The following SLC12A2 variants were observed in gnomAD, a reference collection of about 807,000 sequenced individuals.
SLC12A2 encodes the protein Na-K-2Cl cotransporter 1.
A neutral mutation model predicts 136.3 loss-of-function variants in SLC12A2; 67 were observed. That is an observed-to-expected ratio of 0.49 (90% CI 0.40 to 0.60). The LOEUF (loss-of-function observed/expected upper bound fraction) is 0.60. Ranked by LOEUF, SLC12A2 falls within the 20% of genes least tolerant of loss-of-function variation. The pLI, the probability that SLC12A2 is intolerant of heterozygous loss-of-function variation, is 0.00. For synonymous variants in SLC12A2, 619 were observed against 562.9 expected, an observed-to-expected ratio of 1.10 and a Z score of -1.41; for missense variants, 1,322 against 1,534.7, an observed-to-expected ratio of 0.86 and a Z score of 2.32.
In SLC12A2 at chr5:128,084,654, C is replaced by T. The variant is rs1286345821; in HGVS notation, c.700C>T (p.Leu234=). Residue 234 remains leucine, a synonymous_variant, in exon 1 of 27, where the codon CTG becomes TTG. Coordinates refer to ENST00000262461, the MANE Select transcript of SLC12A2 (RefSeq NM_001046.3). The surrounding 1 kb of genome is among the most constrained non-coding windows in gnomAD (Gnocchi z 5.6). The part of the protein sequence containing the change: ...IDHYRHTAAQ[L]GEKLLRPSLA... ...TCACTACCGGCACACAGCCGCGCAG[C>T]TGGGCGAGAAGCTGCTCCGGCCTAG... The T allele has an allele frequency of 1.2e-6, 2 of 1,612,716 alleles. No individual in the cohort carries two copies. Among genetic ancestry groups the T allele is most frequent in the Non-Finnish European group, 8.5e-7 (1 of 1,179,630 alleles).
chr5:128,138,702 C>T lies in SLC12A2; in HGVS notation c.1514C>T (p.Ala505Val). The T allele has an allele frequency of 6.2e-7, 1 of 1,613,532 alleles. No homozygotes were observed. Among genetic ancestry groups the T allele is most frequent in the East Asian group, 2.2e-5 (1 of 44,816 alleles). Residue 505 changes from alanine (A) to valine (V), a missense_variant, in exon 8 of 27, where the codon GCA becomes GTA. Physicochemically the swap from Ala to Val is moderately conservative, Grantham distance 64. This residue lies in a region of SLC12A2 where 294 missense variants were observed against 436.6 expected (regional missense o/e 0.67). Coordinates refer to ENST00000262461, the MANE Select transcript of SLC12A2 (RefSeq NM_001046.3). Reference protein sequence around the residue: ...FPAATGILAGANISGDLADPQ... With the variant: ...FPAATGILAGVNISGDLADPQ... ...GCTGCAACTGGTATTCTGGCTGGAG[C>T]AAATATCTCAGGTGATCTTGCAGTA...
At chr5:128,128,260 A>G (rs2126692987) in intron 4 of SLC12A2, among the ~76,000 whole-genome samples, 1 of 152,230 alleles carries the variant, frequency 6.6e-6, no homozygotes, top group African/African-American at 2.4e-5. Context: ...TAGGGTTTTG[A>G]TTACTGATTG....
At chr5:128,163,457 A>C (rs966610145) in intron 17 of SLC12A2, among the ~76,000 whole-genome samples, 1 of 152,260 alleles carries the variant, frequency 6.6e-6, no homozygotes, top group South Asian at 2.1e-4. Flanking sequence ...TGAACCCCTG[A>C]GGCAGAGGTT....
intron 1 of SLC12A2, among the ~76,000 whole-genome samples, chr5:128,104,986 A>G (rs1007239165): frequency 2.5e-4 from 38 of 151,772 alleles, no homozygotes; most frequent in African/African-American, 8.8e-4. Flanking sequence ...ATCTAAAATA[A>G]TTTACCTTGA....
At chr5:128,102,982 T>C (rs1440577704) in intron 1 of SLC12A2, among the ~76,000 whole-genome samples, 3 of 152,312 alleles carry the variant, frequency 2.0e-5, no homozygotes, top group African/African-American at 7.2e-5. Context: ...ACAGTTTCTT[T>C]ATTCTGCAGT....
rs1414701919 is a variant in SLC12A2 at position 128,188,318 on chromosome 5, C to T, written c.*1687C>T. The T allele has an allele frequency of 1.5e-3, 156 of 103,392 alleles. No individual in the cohort carries two copies. Among genetic ancestry groups the T allele is most frequent in the African/African-American group, 5.7e-3 (142 of 24,716 alleles). 6.4% of individuals were successfully genotyped at this position (103,392 alleles called of 1,614,324 possible). A position where few individuals can be genotyped will look rare whatever the true frequency, so the allele number is the denominator to read the frequency against. ...TTTTTTTTTTTTTTTTTTTTTGAGACGGAGTCTTGCTCTGTTGCCACGCTG... is the reference window on the plus strand; with the variant it reads ...TTTTTTTTTTTTTTTTTTTTTGAGATGGAGTCTTGCTCTGTTGCCACGCTG... On this transcript the variant is annotated 3_prime_UTR_variant, in exon 27 of 27. Transcript: ENST00000262461.
At chr5:128,091,067 A>G (rs1047148593) in intron 1 of SLC12A2, among the ~76,000 whole-genome samples, 6 of 152,156 alleles carry the variant, frequency 3.9e-5, no homozygotes, top group Non-Finnish European at 8.8e-5. Context: ...GAAACCAGTT[A>G]GAAGCCTACT....
intron 16 of SLC12A2, among the ~76,000 whole-genome samples, chr5:128,160,018 G>C (rs1279341151): frequency 1.3e-5 from 2 of 152,176 alleles, no homozygotes; most frequent in Non-Finnish European, 2.9e-5. Flanking sequence ...ACTGGATAAG[G>C]AAAATGTGGT....
rs551073278 is a variant in SLC12A2 at position 128,151,786 on chromosome 5, T to C, written c.2263+390T>C. Reference sequence around the variant, plus strand: ...CCTAATAAGCTAGGCTATTTATACATATAACCTACTGTGGTCCTTGAACTG... The same window carrying C: ...CCTAATAAGCTAGGCTATTTATACACATAACCTACTGTGGTCCTTGAACTG... On this transcript the variant is annotated intron_variant, in intron 14 of 26. Coordinates refer to ENST00000262461, the MANE Select transcript of SLC12A2 (RefSeq NM_001046.3). Among the ~76,000 whole-genome samples, 12 of 152,286 alleles carry C rather than the reference T, an allele frequency of 7.9e-5. No homozygotes were observed. The South Asian group carries it at 2.5e-3, about 32-fold the overall frequency.
chr5:128,183,789 T>C (rs779206478), intron 24 of SLC12A2, among the ~76,000 whole-genome samples: 6 of 152,070 alleles, frequency 3.9e-5, no homozygotes, highest in Non-Finnish European at 7.4e-5. Flanking sequence ...ATTTGACTTA[T>C]TGCTCAAAGG....
intron 6 of SLC12A2, among the ~76,000 whole-genome samples, chr5:128,134,630 A>C (rs1762128834): frequency 6.6e-6 from 1 of 152,114 alleles, no homozygotes; most frequent in African/African-American, 2.4e-5. Context: ...ATGGGGCAGT[A>C]AATAAAAGTT....
Position 128,171,688 on chromosome 5 carries a change from T to C in SLC12A2, c.2745T>C (p.Tyr915=). Residue 915 remains tyrosine, a synonymous_variant, in exon 19 of 27, where the codon TAT becomes TAC. Coordinates refer to ENST00000262461, the MANE Select transcript of SLC12A2 (RefSeq NM_001046.3). ...TTAGTGATGCTTTTGACATACAATA[T>C]GGAGTAGTGGTTATTCGCCTAAAAG... ...NLFHDAFDIQ[Y]GVVVIRLKEG... 2 of 1,584,438 alleles carry C rather than the reference T, an allele frequency of 1.3e-6. No homozygotes were observed. The highest frequency in any genetic ancestry group is 1.7e-4 in the Middle Eastern group (1 of 5,956).
chr5:128,158,322 T>G (rs769553033), intron 16 of SLC12A2, among the ~76,000 whole-genome samples, 158 bp downstream of exon 16: 1 of 152,152 alleles, frequency 6.6e-6, no homozygotes, highest in Non-Finnish European at 1.5e-5. Context: ...TAGTACCCAA[T>G]AGGTAGTTTT....
At chr5:128,156,362 T>TA (rs1057163673) in intron 15 of SLC12A2, among the ~76,000 whole-genome samples, 5 of 152,122 alleles carry the variant, frequency 3.3e-5, no homozygotes, top group African/African-American at 4.8e-5. Flanking sequence ...TTTGTGCCTT[T>TA]AAAAAAAATC....
At chr5:128,124,975 A>G (rs1224169829) in intron 4 of SLC12A2, among the ~76,000 whole-genome samples, 2 of 152,216 alleles carry the variant, frequency 1.3e-5, no homozygotes, top group Admixed American at 1.3e-4. Flanking sequence ...CCTGATCAGT[A>G]AATTCCAAGG....
chr5:128,131,473 C>T (rs1762020737), intron 5 of SLC12A2, among the ~76,000 whole-genome samples: 1 of 150,408 alleles, frequency 6.6e-6, no homozygotes, highest in Non-Finnish European at 1.5e-5. Flanking sequence ...GCGAGCGGAT[C>T]ACGAGGTCAG....
intron 15 of SLC12A2, among the ~76,000 whole-genome samples, chr5:128,157,256 C>G (rs1224695628): frequency 2.0e-5 from 3 of 152,050 alleles, no homozygotes; most frequent in Non-Finnish European, 4.4e-5. Context: ...CAAATGGAGA[C>G]CTGTATATTT....
chr5:128,097,050 T>C (rs759518518), intron 1 of SLC12A2, among the ~76,000 whole-genome samples: 2 of 152,106 alleles, frequency 1.3e-5, no homozygotes, highest in Non-Finnish European at 2.9e-5. Context: ...CAGTGAACTA[T>C]ACAATTTTGG....
At chr5:128,098,474 CTTGTTTTTT>C (rs887767263) in intron 1 of SLC12A2, among the ~76,000 whole-genome samples, 76 of 109,214 alleles carry the variant, frequency 7.0e-4, no homozygotes, top group African/African-American at 1.8e-3. Flanking sequence ...CTAATGACTG[CTTGTTTTTT>C]TTGTTTTTTT....
Sources: allele counts gnomAD v4.1 joint callset (sites outside exome capture counted in the v4.1 genomes callset), GRCh38; gene constraint gnomAD v4.1.1; regional missense constraint gnomAD v4.1.1; non-coding constraint Gnocchi (gnomAD v3.1); transcripts MANE v1.5; gene names NCBI Gene and HGNC (gene_info 2026-07-23, HGNC 2026-07-21).